The following AVEN variants were observed in gnomAD, a reference collection of about 807,000 sequenced individuals.
The protein encoded by AVEN is cell death regulator Aven.
A neutral mutation model predicts 38.1 loss-of-function variants in AVEN; 41 were observed. The ratio of observed to expected loss-of-function variants is 1.08; its 90% confidence interval spans 0.84 to 1.40. The LOEUF is 1.40. Among genes scored for constraint, AVEN ranks in the 40% most tolerant of loss-of-function variants. The pLI is 0.00. For missense variants in AVEN, 605 were observed against 438.8 expected (o/e 1.38, Z -3.38); for synonymous variants, 206 against 171.8 (o/e 1.20, Z -1.56).
chr15:33,886,964 T>C (rs946615532), intron 2 of AVEN, among the ~76,000 whole-genome samples: 14 of 152,128 alleles, frequency 9.2e-5, no homozygotes, highest in African/African-American at 3.1e-4. Context: ...GAAAAATAGT[T>C]GAAGAAAAGG....
chr15:33,865,299 T>A, downstream of AVEN: 1 of 1,006,960 alleles, frequency 9.9e-7, no homozygotes, highest in South Asian at 1.5e-5. Context: ...TTTACAGTTC[T>A]GCAACATATC....
intron 2 of AVEN, among the ~76,000 whole-genome samples, chr15:33,893,391 C>G (rs756921460): frequency 5.9e-5 from 9 of 152,148 alleles, no homozygotes; most frequent in Non-Finnish European, 1.2e-4. Context: ...GAAATTCATA[C>G]AAACACCAGC....
intron 5 of AVEN, chr15:34,062,528 C>T (rs958280595): frequency 3.6e-6 from 2 of 554,216 alleles, no homozygotes; most frequent in East Asian, 6.3e-5. Context: ...GCACTCCAGC[C>T]TGGGTGACAA....
At chr15:33,967,914 T>G (rs1265533468) in intron 2 of AVEN, among the ~76,000 whole-genome samples, 4 of 148,438 alleles carry the variant, frequency 2.7e-5, no homozygotes, top group Non-Finnish European at 6.0e-5. Flanking sequence ...GCCCAAAAGA[T>G]GTATAAAAAC....
At chr15:33,876,356 G>A (rs1891230709) in intron 2 of AVEN, among the ~76,000 whole-genome samples, 2 of 152,080 alleles carry the variant, frequency 1.3e-5, no homozygotes, top group African/African-American at 4.8e-5. Flanking sequence ...TGGATTACTT[G>A]AGGTCAGGAG....
chr15:33,897,010 G>A (rs868749942), intron 2 of AVEN, among the ~76,000 whole-genome samples: 1 of 152,150 alleles, frequency 6.6e-6, no homozygotes, highest in Non-Finnish European at 1.5e-5. Context: ...TCCAGTAAGT[G>A]CAACAACATA....
At chr15:33,912,956 C>G (rs1352308393) in intron 2 of AVEN, among the ~76,000 whole-genome samples, 1 of 150,328 alleles carries the variant, frequency 6.7e-6, no homozygotes, top group Non-Finnish European at 1.5e-5. Context: ...ATGGCGCGAT[C>G]TCGGCTCACC....
intron 1 of AVEN, among the ~76,000 whole-genome samples, chr15:34,031,497 T>C (rs1271880154): frequency 1.3e-5 from 2 of 152,192 alleles, no homozygotes; most frequent in African/African-American, 4.8e-5. Context: ...TATTAAAATG[T>C]TTGCTATCCC....
In AVEN at chr15:33,867,587, G is replaced by C. The variant is rs370102228; in HGVS notation, c.881C>G (p.Ala294Gly). 24 of 1,614,110 alleles carry C rather than the reference G, an allele frequency of 1.5e-5. No individual in the cohort carries two copies. The highest frequency in any genetic ancestry group is 1.9e-5 in the Non-Finnish European group (23 of 1,180,050). Residue 294 changes from alanine (A) to glycine (G), a missense_variant, in exon 5 of 6, where the codon GCA becomes GGA. Transcript: ENST00000306730. ...GATGTTATCTCCCTCTTTTATAGGTGCATCTAAATTAAGCAACAGATCTAG... is the reference window on the plus strand; with the variant it reads ...GATGTTATCTCCCTCTTTTATAGGTCCATCTAAATTAAGCAACAGATCTAG... The part of the protein sequence containing the change: ...EELDLLLNLD[A>G]PIKEGDNILP...
intron 1 of AVEN, among the ~76,000 whole-genome samples, chr15:34,072,999 C>G (rs558319578): frequency 6.6e-6 from 1 of 150,822 alleles, no homozygotes; most frequent in South Asian, 2.1e-4. Context: ...ATCTTACCAT[C>G]TATCCTTCTA....
downstream of AVEN, chr15:33,864,950 A>G: frequency 1.8e-6 from 1 of 550,438 alleles, no homozygotes; most frequent in Middle Eastern, 4.8e-4. Context: ...TGTCAGAGAG[A>G]CATGGCTTCT....
At chr15:33,868,514 G>C (rs766690078) in intron 4 of AVEN, among the ~76,000 whole-genome samples, 44 of 132,716 alleles carry the variant, frequency 3.3e-4, no homozygotes, top group Middle Eastern at 5.9e-3. Flanking sequence ...CACTGCACTC[G>C]AGCCTGGGCA....
chr15:34,021,209 G>A (rs1359740696), intron 1 of AVEN, among the ~76,000 whole-genome samples: 1 of 151,658 alleles, frequency 6.6e-6, no homozygotes, highest in Admixed American at 6.6e-5. Flanking sequence ...TTTTGGAGAT[G>A]GAGTTTTGCT....
At chr15:33,919,054 G>T (rs1428630531) in intron 2 of AVEN, among the ~76,000 whole-genome samples, 1 of 151,496 alleles carries the variant, frequency 6.6e-6, no homozygotes, top group Non-Finnish European at 1.5e-5. Flanking sequence ...CCGAGTAGCT[G>T]GGATTACAGG....
At chr15:33,990,077 G>T (rs1039890363) in intron 2 of AVEN, among the ~76,000 whole-genome samples, 1 of 151,872 alleles carries the variant, frequency 6.6e-6, no homozygotes, top group Non-Finnish European at 1.5e-5. Context: ...GGTGGTGGGC[G>T]CCTATAATCC....
At chr15:33,916,718 A>G (rs978396646) in intron 2 of AVEN, among the ~76,000 whole-genome samples, 1 of 152,146 alleles carries the variant, frequency 6.6e-6, no homozygotes, top group Admixed American at 6.5e-5. Flanking sequence ...TGAAAAGGGA[A>G]CACTTTTACA....
downstream of AVEN, chr15:33,865,087 T>C (rs759845616): frequency 1.5e-5 from 23 of 1,499,236 alleles, no homozygotes; most frequent in East Asian, 5.2e-4. Flanking sequence ...TTTTAGCTTT[T>C]ACTGTGGTTT....
intron 2 of AVEN, among the ~76,000 whole-genome samples, chr15:33,953,004 G>C (rs563528137): frequency 1.9e-4 from 29 of 152,142 alleles, no homozygotes; most frequent in Non-Finnish European, 3.8e-4. Context: ...TAACAGACAA[G>C]AGAGCCAAAT....
rs145672239 is a variant in AVEN at position 34,053,616 on chromosome 15, G to A, written n.1637+9306C>T. On this transcript the variant is annotated intron_variant and non_coding_transcript_variant, in intron 5 of 11. Coordinates refer to the AVEN transcript ENST00000675287. ...TTTCATAAATGGTGCTGAGAGAACT[G>A]GCTAGCTATATGCAGAAAATTGAAA... is the stretch of plus-strand genomic sequence containing the variant. 9.2e-5 allele frequency among the ~76,000 whole-genome samples: 14 copies of A among 152,058 alleles called. No individual in the cohort carries two copies. In the East Asian group the frequency reaches 2.7e-3, roughly 29 times the overall value.
Sources: gnomAD v4.1 joint callset for allele counts (sites outside exome capture counted in the v4.1 genomes callset) on GRCh38, gnomAD v4.1.1 for gene constraint, MANE v1.5 for transcripts, NCBI Gene and HGNC (gene_info 2026-07-23, HGNC 2026-07-21) for gene names.